The following CSPG5 variants were observed in gnomAD, a reference collection of about 807,000 sequenced individuals.
The protein encoded by CSPG5 is acidic leucine-rich EGF-like domain-containing brain protein.
CSPG5 carries 25 observed loss-of-function variants against 39.8 expected under a neutral mutation model. That is an observed-to-expected ratio of 0.63 (90% confidence interval 0.46 to 0.88). The LOEUF (loss-of-function observed/expected upper bound fraction) is 0.88. Among genes scored for constraint, CSPG5 ranks in the 40% least tolerant of loss-of-function variants. The probability of loss-of-function intolerance (pLI) is 0.00; values close to 1 mark genes in which losing one functional copy is unlikely to be tolerated. For synonymous variants in CSPG5, 295 were observed against 303.9 expected (o/e 0.97, Z 0.31); for missense variants, 627 against 702.2 (o/e 0.89, Z 1.21).
chr3:47,572,631 T>A lies in CSPG5; in HGVS notation c.1382+55A>T. 1 of 1,495,020 alleles carries A rather than the reference T, an allele frequency of 6.7e-7. No individual in the cohort carries two copies. Among genetic ancestry groups the A allele is most frequent in the South Asian group, 1.2e-5 (1 of 86,000 alleles). 92.6% of individuals were successfully genotyped at this position (1,495,020 alleles called of 1,614,324 possible). A position where few individuals can be genotyped will look rare whatever the true frequency, so the allele number is the denominator to read the frequency against. On this transcript the variant is annotated intron_variant, in intron 3 of 4. Transcript: ENST00000264723. This position sits in a 1 kb window ranked among gnomAD's most constrained non-coding sequence, Gnocchi z 4.5. ...GATCAGTTGGAGGGGTGCAGCAGCG[T>A]CGGGGGGCCTCCCACACCCTGACCT...
chr3:47,578,112 G>GC lies in CSPG5; in HGVS notation c.98-185dup, dbSNP rs1042165909. 2 of 943,486 alleles carry GC rather than the reference G, an allele frequency of 2.1e-6. No individual in the cohort carries two copies. Among genetic ancestry groups the GC allele is most frequent in the Non-Finnish European group, 2.8e-6 (2 of 718,430 alleles). The allele number at this position is 943,486 out of a possible 1,614,324, so 58.4% of individuals were successfully genotyped here. A position where few individuals can be genotyped will look rare whatever the true frequency, so the allele number is the denominator to read the frequency against. On this transcript the variant is annotated intron_variant, in intron 1 of 4. Transcript: ENST00000264723. The surrounding 1 kb of genome is among the most constrained non-coding windows in gnomAD (Gnocchi z 6.0). ...ACCTCTAAGCCCCGTCCCGGAGTCT[G>GC]CCCCCAAGACGAGGATCACACCCCG...
Position 47,577,321 on chromosome 3 carries a change from T to G in CSPG5, c.705A>C (p.Ser235=), listed in dbSNP as rs891926303. The change falls in exon 2 of 5, where the codon TCA becomes TCC. Residue 235 remains serine (S), a synonymous_variant. Transcript: ENST00000264723. The surrounding 1 kb of genome is among the most constrained non-coding windows in gnomAD (Gnocchi z 4.7). The stretch of plus-strand genomic sequence containing the variant: ...CTCCCTCAGTATCAGGGTGGTTCTC[T>G]GAGGTTCCTGGTGACCCTGGGAAGC... ...LGSFPGSPGT[S]ENHPDTEGET... The G allele has an allele frequency of 1.2e-6, 2 of 1,613,830 alleles. No homozygotes were observed. Among genetic ancestry groups the G allele is most frequent in the African/African-American group, 1.3e-5 (1 of 74,918 alleles).
rs547024408 is a variant in CSPG5 at position 47,573,167 on chromosome 3, G to A, written c.1194-293C>T. Among the ~76,000 whole-genome samples the A allele has an allele frequency of 8.8e-4, 134 of 152,212 alleles. 1 individual carries two copies. Among genetic ancestry groups the A allele is most frequent in the Non-Finnish European group, 1.3e-3 (90 of 68,034 alleles). On this transcript the variant is annotated intron_variant, in intron 2 of 4. Coordinates refer to ENST00000264723, the MANE Select transcript of CSPG5 (RefSeq NM_006574.4). ...AGTTCTCTGACTGCTAAGTGACCAA[G>A]GAGGGAAGGGAATCCTGGTCTTCTG...
At chr3:47,565,681 GAAA>G (rs11330263) in intron 4 of CSPG5, among the ~76,000 whole-genome samples, 1 of 134,280 alleles carries the variant, frequency 7.4e-6, no homozygotes, top group South Asian at 2.3e-4. Flanking sequence ...AGTTAAATAG[GAAA>G]AAAAAAAAAA....
At chr3:47,565,368 G>A (rs903321534) in intron 4 of CSPG5, among the ~76,000 whole-genome samples, 2 of 152,208 alleles carry the variant, frequency 1.3e-5, no homozygotes, top group Non-Finnish European at 2.9e-5. Flanking sequence ...TCCTAACTCA[G>A]GTGTTTGCTC....
chr3:47,562,679 G>C lies in CSPG5; in HGVS notation c.1541C>G (p.Ser514Cys), dbSNP rs148021711. 2 of 1,614,012 alleles carry C rather than the reference G, an allele frequency of 1.2e-6. No individual in the cohort carries two copies. The highest frequency in any genetic ancestry group is 1.1e-5 in the South Asian group (1 of 91,058). The change falls in exon 5 of 5, where the codon TCC (serine) becomes TGC (cysteine). Residue 514 changes from serine (S) to cysteine (C), a missense_variant. Physicochemically the swap from Ser to Cys is moderately radical, Grantham distance 112. Transcript: ENST00000264723. ...KEEESFNIQN[S>C]MSPKLEGGKG... ...GCCACCCTCAAGTTTGGGCGACATG[G>C]AGTTCTGGATGTTAAATGACTCCTC...
At chr3:47,569,434 T>A (rs2031444884) in intron 3 of CSPG5, among the ~76,000 whole-genome samples, 1 of 151,840 alleles carries the variant, frequency 6.6e-6, no homozygotes, top group Non-Finnish European at 1.5e-5. Context: ...TGAAACCCCG[T>A]CTCTACTAAA....
chr3:47,578,055 C>G lies in CSPG5; in HGVS notation c.98-127G>C. The G allele has an allele frequency of 7.7e-7, 1 of 1,292,744 alleles. No homozygotes were observed. 80.1% of individuals were successfully genotyped at this position (1,292,744 alleles called of 1,614,324 possible). A position where few individuals can be genotyped will look rare whatever the true frequency, so the allele number is the denominator to read the frequency against. ...ACCCAGACCTCGCCACCCTCAGACC[C>G]CACCGCCCCAGTGTGACCCCAGCCA... On this transcript the variant is annotated intron_variant, in intron 1 of 4. Transcript: ENST00000264723. This position sits in a 1 kb window ranked among gnomAD's most constrained non-coding sequence, Gnocchi z 6.0.
At position 47,578,668 on chromosome 3, in the gene CSPG5, G is replaced by A. The variant is rs1290673588; in HGVS notation, c.26C>T (p.Pro9Leu). 10 of 1,080,276 alleles carry A rather than the reference G, an allele frequency of 9.3e-6. No individual in the cohort carries two copies. The highest frequency in any genetic ancestry group is 5.2e-5 in the Admixed American group (1 of 19,336). The allele number at this position is 1,080,276 out of a possible 1,614,324, so 66.9% of individuals were successfully genotyped here. A position where few individuals can be genotyped will look rare whatever the true frequency, so the allele number is the denominator to read the frequency against. Reference protein sequence around the residue: MGRAGGGGPGRGPPPLLLF... With the variant: MGRAGGGGLGRGPPPLLLF... Reference sequence around the variant, plus strand: ...CAGCAGTGGCGGCGGCCCCCGGCCCGGGCCCCCGCCCCCGGCTCGCCCCAT... The same window carrying A: ...CAGCAGTGGCGGCGGCCCCCGGCCCAGGCCCCCGCCCCCGGCTCGCCCCAT... The change falls in exon 1 of 5, where the codon CCG becomes CTG. Residue 9 changes from proline (P) to leucine (L), a missense_variant. Transcript: ENST00000264723. The surrounding 1 kb of genome is among the most constrained non-coding windows in gnomAD (Gnocchi z 6.0).
intron 2 of CSPG5, 133 bp downstream of exon 2, chr3:47,576,700 T>G (rs1157553211): frequency 1.8e-5 from 18 of 1,014,272 alleles, no homozygotes; most frequent in Non-Finnish European, 2.6e-5. Flanking sequence ...CCTTAGGAGA[T>G]CCGCCTGCCT....
At chr3:47,573,956 G>T (rs2031614161) in intron 2 of CSPG5, among the ~76,000 whole-genome samples, 1 of 152,226 alleles carries the variant, frequency 6.6e-6, no homozygotes, top group Non-Finnish European at 1.5e-5. Context: ...CAGTGGGTCA[G>T]GGTGACAGAG....
In CSPG5 at chr3:47,562,776, A is replaced by G; in HGVS notation, c.1459-15T>C. 7.1e-7 allele frequency: 1 copy of G among 1,415,600 alleles called. No individual in the cohort carries two copies. The highest frequency in any genetic ancestry group is 9.9e-7 in the Non-Finnish European group (1 of 1,015,218). 87.7% of individuals were successfully genotyped at this position (1,415,600 alleles called of 1,614,324 possible). ...CTAGGATCATCCTGGAAGAGGGAAA[A>G]AGTTGGGGGGGGGGAGACAATGCAT... On this transcript the variant is annotated splice_polypyrimidine_tract_variant and intron_variant, in intron 4 of 4. Transcript: ENST00000264723.
At chr3:47,576,720 A>G in intron 2 of CSPG5, 113 bp downstream of exon 2, 1 of 1,252,648 alleles carries the variant, frequency 8.0e-7, no homozygotes, top group South Asian at 1.7e-5. Flanking sequence ...TCAGCCTCCC[A>G]AAGTGCTGGG....
At chr3:47,562,790 G>T (rs765046308) in intron 4 of CSPG5, 29 bp from the exon 5 acceptor site, 3 of 1,518,530 alleles carry the variant, frequency 2.0e-6, no homozygotes, top group African/African-American at 1.4e-5. Flanking sequence ...TGGGGGGGGG[G>T]AGACAATGCA....
At chr3:47,575,776 C>T (rs2031697393) in intron 2 of CSPG5, among the ~76,000 whole-genome samples, 1 of 152,112 alleles carries the variant, frequency 6.6e-6, no homozygotes, top group African/African-American at 2.4e-5. Context: ...TCCCGCCGAG[C>T]ACAAGGCATG....
In CSPG5 at chr3:47,577,081, C is replaced by T. The variant is rs1280960834; in HGVS notation, c.945G>A (p.Gln315=). Reference sequence around the variant, plus strand: ...GGACAGCATGCCACCGACTGGTGGGCTGGCCTGTCCCGGGCCCCAGACCAG... The same window carrying T: ...GGACAGCATGCCACCGACTGGTGGGTTGGCCTGTCCCGGGCCCCAGACCAG... The part of the protein sequence containing the change: ...GKPGLGPGTG[Q]PTSRWHAVPP... The change falls in exon 2 of 5, where the codon CAG becomes CAA. Residue 315 remains glutamine, a synonymous_variant. Transcript: ENST00000264723. The surrounding 1 kb of genome is among the most constrained non-coding windows in gnomAD (Gnocchi z 4.7). 1 of 1,613,520 alleles carries T rather than the reference C, an allele frequency of 6.2e-7. No individual in the cohort carries two copies. The highest frequency in any genetic ancestry group is 8.5e-7 in the Non-Finnish European group (1 of 1,180,004).
chr3:47,577,379 A>C lies in CSPG5; in HGVS notation c.647T>G (p.Leu216Arg), dbSNP rs746167201. Residue 216 changes from leucine to arginine, a missense_variant, in exon 2 of 5, where the codon CTG becomes CGG. Physicochemically the swap from Leu to Arg is moderately radical, Grantham distance 102 (BLOSUM62 -2). Transcript: ENST00000264723. This position sits in a 1 kb window ranked among gnomAD's most constrained non-coding sequence, Gnocchi z 4.7. ...ATCTGCGCCACGACCCTCACCATCC[A>C]GTCCTTCGAAGTAGTCGATGTCAAT... ...DIIDIDYFEG[L>R]DGEGRGADLG... The C allele has an allele frequency of 6.2e-7, 1 of 1,614,194 alleles. No homozygotes were observed. The highest frequency in any genetic ancestry group is 1.7e-5 in the Admixed American group (1 of 60,030).
Position 47,577,777 on chromosome 3 carries a change from G to T in CSPG5, c.249C>A (p.Ala83=). 1 of 1,586,520 alleles carries T rather than the reference G, an allele frequency of 6.3e-7. No individual in the cohort carries two copies. The highest frequency in any genetic ancestry group is 8.5e-7 in the Non-Finnish European group (1 of 1,173,970). Residue 83 remains alanine (A), a synonymous_variant, in exon 2 of 5, where the codon GCC becomes GCA. Coordinates refer to ENST00000264723, the MANE Select transcript of CSPG5 (RefSeq NM_006574.4). This position sits in a 1 kb window ranked among gnomAD's most constrained non-coding sequence, Gnocchi z 4.7. ...ASWTAPGGEL[A]GPEEVLQESA... ...ACTCCTGCAGCACCTCTTCTGGCCC[G>T]GCCAGCTCGCCACCGGGCGCCGTCC...
rs1553665302 is a variant in CSPG5 at position 47,562,436 on chromosome 3, A to AC, written c.*163_*164insG. ...TTCAGTTTCTTTGCTTATTTTAAGT[A>AC]TTTTTTTGCCTCCTGTACAAAATAC... On this transcript the variant is annotated 3_prime_UTR_variant, in exon 5 of 5. Coordinates refer to ENST00000264723, the MANE Select transcript of CSPG5 (RefSeq NM_006574.4). The AC allele has an allele frequency of 5.0e-5, 31 of 618,824 alleles. No individual in the cohort carries two copies. Among genetic ancestry groups the AC allele is most frequent in the Non-Finnish European group, 7.4e-5 (28 of 380,014 alleles). 38.3% of individuals were successfully genotyped at this position (618,824 alleles called of 1,614,324 possible).
Sources: allele counts gnomAD v4.1 joint callset (sites outside exome capture counted in the v4.1 genomes callset), GRCh38; gene constraint gnomAD v4.1.1; non-coding constraint Gnocchi (gnomAD v3.1); transcripts MANE v1.5; gene names NCBI Gene and HGNC (gene_info 2026-07-23, HGNC 2026-07-21).